Variants in PTPRD observed in about 807,000 individuals in gnomAD.
PTPRD encodes the protein protein tyrosine phosphatase receptor type D, also known as receptor-type tyrosine-protein phosphatase delta.
PTPRD carries 34 observed loss-of-function variants against 214.5 expected under a neutral mutation model. That is an observed-to-expected ratio of 0.16 (90% confidence interval 0.12 to 0.21). PTPRD has a LOEUF of 0.21. Among genes scored for constraint, PTPRD ranks in the 10% least tolerant of loss-of-function variants. PTPRD has a pLI of 1.00. For missense variants in PTPRD, 2,545 were observed against 2,398.7 expected (o/e 1.06, Z -1.27); for synonymous variants, 1,128 against 845.7 (o/e 1.33, Z -5.79).
chr9:9,579,639 T>C (rs181615179), intron 7 of PTPRD, among the ~76,000 whole-genome samples: 72 of 152,230 alleles, frequency 4.7e-4, no homozygotes, highest in African/African-American at 1.7e-3. Context: ...TCCCTGTATG[T>C]TCAGCTACAG....
chr9:9,988,955 A>G (rs1229483798), intron 4 of PTPRD, among the ~76,000 whole-genome samples: 5 of 145,908 alleles, frequency 3.4e-5, no homozygotes, highest in African/African-American at 1.3e-4. Flanking sequence ...TGACTGTACA[A>G]CATATGTACT....
intron 2 of PTPRD, among the ~76,000 whole-genome samples, chr9:10,597,092 A>G (rs149688146): frequency 0.02 from 2,998 of 151,374 alleles, 46 homozygotes; most frequent in South Asian, 0.063. Context: ...TATTTCACAT[A>G]TATATTTCAC....
chr9:10,160,716 C>A (rs1292055899), intron 3 of PTPRD, among the ~76,000 whole-genome samples: 1 of 151,770 alleles, frequency 6.6e-6, no homozygotes, highest in Non-Finnish European at 1.5e-5. Flanking sequence ...GTACTGGAAG[C>A]CCTAGCCACA....
At chr9:9,300,551 G>T (rs529203131) in intron 9 of PTPRD, among the ~76,000 whole-genome samples, 1 of 151,848 alleles carries the variant, frequency 6.6e-6, no homozygotes, top group Admixed American at 6.6e-5. Context: ...GTAGTAGGAG[G>T]TTGGGCTTCT....
At chr9:8,457,838 C>A (rs545082379) in intron 33 of PTPRD, among the ~76,000 whole-genome samples, 1 of 151,914 alleles carries the variant, frequency 6.6e-6, no homozygotes, top group Non-Finnish European at 1.5e-5. Flanking sequence ...TACCAATGAC[C>A]TGTATATAAA....
chr9:10,610,809 C>T (rs1179860493), intron 2 of PTPRD, among the ~76,000 whole-genome samples: 2 of 152,050 alleles, frequency 1.3e-5, no homozygotes, highest in African/African-American at 4.8e-5. Flanking sequence ...TCTCATTACC[C>T]TAAAAACTTA....
In PTPRD at chr9:8,824,379, T is replaced by C. The variant is rs867009030; in HGVS notation, c.-103-90433A>G. On this transcript the variant is annotated intron_variant, in intron 11 of 45. Coordinates refer to ENST00000381196, the MANE Select transcript of PTPRD (RefSeq NM_002839.4). ...ACTTTTTTAGGCCAAATAGGGGCGA[T>C]GATATTTTGGCCTAACTATGGGGGT... 4.6e-5 allele frequency among the ~76,000 whole-genome samples: 7 copies of C among 152,288 alleles called. No individual in the cohort carries two copies. The South Asian group carries it at 1.2e-3, about 27-fold the overall frequency.
At chr9:10,194,223 A>T (rs913379787) in intron 3 of PTPRD, among the ~76,000 whole-genome samples, 6 of 151,716 alleles carry the variant, frequency 4.0e-5, no homozygotes, top group African/African-American at 1.2e-4. Context: ...CCTTATCAGA[A>T]TTTACCCTAG....
rs538559817 is a variant in PTPRD at position 10,106,761 on chromosome 9, A to T, written c.-544-72971T>A. ...TCTTTTTTAAATAGACATAGAAAAA[A>T]AGCAGGAAGAACATCAGGCTAAAAT... On this transcript the variant is annotated intron_variant, in intron 3 of 45. Coordinates refer to ENST00000381196, the MANE Select transcript of PTPRD (RefSeq NM_002839.4). 2.6e-5 allele frequency among the ~76,000 whole-genome samples: 4 copies of T among 152,120 alleles called. 1 individual carries two copies. In the South Asian group the frequency reaches 8.3e-4, roughly 32 times the overall value.
chr9:8,694,253 A>T (rs1230248052), intron 12 of PTPRD, among the ~76,000 whole-genome samples: 1 of 152,184 alleles, frequency 6.6e-6, no homozygotes, highest in Non-Finnish European at 1.5e-5. Flanking sequence ...GGAATGGGAG[A>T]TATGAATAGA....
At chr9:9,311,332 T>G (rs1958940451) in intron 9 of PTPRD, among the ~76,000 whole-genome samples, 1 of 152,186 alleles carries the variant, frequency 6.6e-6, no homozygotes, top group South Asian at 2.1e-4. Flanking sequence ...AAAGATGTAT[T>G]GACTCTCAGG....
intron 2 of PTPRD, among the ~76,000 whole-genome samples, chr9:10,360,600 G>A (rs2097361303): frequency 6.6e-6 from 1 of 152,126 alleles, no homozygotes; most frequent in Non-Finnish European, 1.5e-5. Flanking sequence ...GTCCCAAGCA[G>A]CCAAGAAAAT....
At position 9,451,564 on chromosome 9, in the gene PTPRD, C is replaced by A. The variant is rs528711189; in HGVS notation, c.-236-54082G>T. On this transcript the variant is annotated intron_variant, in intron 8 of 45. Transcript: ENST00000381196. ...AATGTTTCCTAGAAACATGTCCCTG[C>A]AGTGAAAAATTACAAAATAAATAAG... Among the ~76,000 whole-genome samples the A allele has an allele frequency of 2.6e-5, 4 of 151,320 alleles. No individual in the cohort carries two copies. In the South Asian group the frequency reaches 6.2e-4, roughly 24 times the overall value.
intron 14 of PTPRD, among the ~76,000 whole-genome samples, chr9:8,566,177 T>A (rs1045904553): frequency 2.0e-5 from 3 of 148,664 alleles, no homozygotes; most frequent in African/African-American, 7.4e-5. Flanking sequence ...TGCATTCTCT[T>A]TGGCAGGGGT....
chr9:10,060,858 TTCCTTCC>T lies in PTPRD; in HGVS notation c.-544-27075_-544-27069del, dbSNP rs1567405545. Among the ~76,000 whole-genome samples, 32 of 118,390 alleles carry T rather than the reference TTCCTTCC, an allele frequency of 2.7e-4. 2 individuals carry two copies. The highest frequency in any genetic ancestry group is 1.8e-3 in the African/African-American group (27 of 15,120). The allele number at this position is 118,390 out of a possible 152,430, so 77.7% of individuals were successfully genotyped here. A position where few individuals can be genotyped will look rare whatever the true frequency, so the allele number is the denominator to read the frequency against. On this transcript the variant is annotated intron_variant, in intron 3 of 45. Coordinates refer to ENST00000381196, the MANE Select transcript of PTPRD (RefSeq NM_002839.4). ...TTCCTTCCTTCCTTTCCTTTCTTTC[TTCCTTCC>T]TTCTTTCCTTCCTTCCTTCCTTCCT... is the stretch of plus-strand genomic sequence containing the variant.
chr9:9,908,828 T>G (rs2078365615), intron 5 of PTPRD, among the ~76,000 whole-genome samples: 1 of 151,992 alleles, frequency 6.6e-6, no homozygotes, highest in Non-Finnish European at 1.5e-5. Flanking sequence ...ATACAAATGC[T>G]AGGTCTAAGA....
chr9:10,167,292 G>C (rs10958932), intron 3 of PTPRD, among the ~76,000 whole-genome samples: 59,671 of 151,680 alleles, frequency 0.39, 12,503 homozygotes, highest in African/African-American at 0.55. Context: ...CAAGATTAAA[G>C]CTGGTGCTGG....
chr9:9,438,823 T>G (rs142439717), intron 8 of PTPRD, among the ~76,000 whole-genome samples: 1 of 152,192 alleles, frequency 6.6e-6, no homozygotes, highest in East Asian at 1.9e-4. Context: ...AAAGTATAAA[T>G]GCAATATTCT....
chr9:10,497,605 T>G (rs999412072), intron 2 of PTPRD, among the ~76,000 whole-genome samples: 7 of 152,084 alleles, frequency 4.6e-5, no homozygotes, highest in Non-Finnish European at 1.0e-4. Flanking sequence ...TGTTTTATGG[T>G]GCAAGGATTA....
Sources: allele counts gnomAD v4.1 joint callset (sites outside exome capture counted in the v4.1 genomes callset), GRCh38; gene constraint gnomAD v4.1.1; transcripts MANE v1.5; gene names NCBI Gene and HGNC (gene_info 2026-07-23, HGNC 2026-07-21).